The following TUSC3 variants were observed in gnomAD, a reference collection of about 807,000 sequenced individuals.
TUSC3 encodes the protein tumor suppressor candidate 3.
TUSC3 carries 45 observed loss-of-function variants against 44.8 expected under a neutral mutation model. The observed-to-expected ratio is 1.00, with a 90% confidence interval of 0.79 to 1.29. The LOEUF (loss-of-function observed/expected upper bound fraction) is 1.29, where lower values mean the gene tolerates loss of function less well. TUSC3 is among the 50% of genes most tolerant of loss of function. The probability of loss-of-function intolerance (pLI) is 0.00; values close to 1 mark genes in which losing one functional copy is unlikely to be tolerated. For synonymous variants in TUSC3, 212 were observed against 152.9 expected (o/e 1.39, Z -2.85); for missense variants, 519 against 437.9 (o/e 1.19, Z -1.65).
chr8:15,495,023 C>T (rs1800861697), intron 2 of TUSC3, among the ~76,000 whole-genome samples: 1 of 152,226 alleles, frequency 6.6e-6, no homozygotes, highest in Non-Finnish European at 1.5e-5. Flanking sequence ...GCTGTTTCTG[C>T]ATGAGTTTGC....
intron 1 of TUSC3, among the ~76,000 whole-genome samples, chr8:15,563,166 C>T (rs1465198962): frequency 6.6e-6 from 1 of 152,110 alleles, no homozygotes; most frequent in Non-Finnish European, 1.5e-5. Flanking sequence ...TAATATAAGA[C>T]ATTTACCAAT....
the TUSC3 span, among the ~76,000 whole-genome samples, chr8:15,818,059 G>C: frequency 6.6e-6 from 1 of 152,140 alleles, no homozygotes; most frequent in East Asian, 1.9e-4. Context: ...TAAAATTTCA[G>C]GTTTAAATTC....
At chr8:15,441,397 ACT>A (rs900124331) in intron 1 of TUSC3, among the ~76,000 whole-genome samples, 17 of 151,870 alleles carry the variant, frequency 1.1e-4, no homozygotes, top group African/African-American at 4.1e-4. Context: ...AGACAGCGAG[ACT>A]CTCTCAAAAA....
intron 2 of TUSC3, among the ~76,000 whole-genome samples, chr8:15,527,718 C>T (rs976422146): frequency 2.0e-5 from 3 of 152,152 alleles, no homozygotes; most frequent in African/African-American, 7.2e-5. Flanking sequence ...AGCTCGAATA[C>T]TTCTGAAGCT....
chr8:15,775,353 G>T, the TUSC3 span, among the ~76,000 whole-genome samples: 2 of 152,034 alleles, frequency 1.3e-5, no homozygotes, highest in South Asian at 2.1e-4. Context: ...TATTTTAGGG[G>T]TGATGAAAAT....
intron 1 of TUSC3, among the ~76,000 whole-genome samples, chr8:15,600,201 GT>G (rs1450245323): frequency 6.6e-6 from 1 of 151,724 alleles, no homozygotes; most frequent in Non-Finnish European, 1.5e-5. Flanking sequence ...TTCCAAATAT[GT>G]TTTCTATTAG....
chr8:15,436,630 A>T (rs1183823282), intron 1 of TUSC3, among the ~76,000 whole-genome samples: 2 of 152,204 alleles, frequency 1.3e-5, no homozygotes, highest in Non-Finnish European at 2.9e-5. Flanking sequence ...TTGTGATTGC[A>T]TTACTTATTG....
intron 10 of TUSC3, among the ~76,000 whole-genome samples, chr8:15,762,910 A>T (rs529860562): frequency 7.4e-6 from 1 of 134,410 alleles, no homozygotes; most frequent in African/African-American, 2.9e-5. Context: ...GACATTCTTC[A>T]TGGAGATGGT....
intron 2 of TUSC3, among the ~76,000 whole-genome samples, chr8:15,638,393 G>A (rs1420620127): frequency 2.0e-5 from 3 of 151,404 alleles, no homozygotes; most frequent in Non-Finnish European, 4.4e-5. Context: ...TTCTTTGTTG[G>A]TTATCATTAT....
intron 2 of TUSC3, among the ~76,000 whole-genome samples, chr8:15,635,737 A>C (rs1434856605): frequency 6.6e-6 from 1 of 152,126 alleles, no homozygotes; most frequent in Admixed American, 6.5e-5. Context: ...TGCAAGGTAA[A>C]CAGGCCAATG....
At chr8:15,715,415 C>A (rs1172652458) in intron 6 of TUSC3, among the ~76,000 whole-genome samples, 2 of 152,026 alleles carry the variant, frequency 1.3e-5, no homozygotes, top group African/African-American at 4.8e-5. Context: ...GATCTGTCAA[C>A]CTGATAACTG....
intron 2 of TUSC3, among the ~76,000 whole-genome samples, chr8:15,523,721 T>TATATATATATATATATATATATATAC (rs1554509653): frequency 7.5e-6 from 1 of 133,984 alleles, no homozygotes; most frequent in African/African-American, 2.9e-5. Flanking sequence ...TATATATATA[T>TATATATATATATATATATATATATAC]ATATAAAGTA....
chr8:15,492,719 T>C (rs1299628037), intron 2 of TUSC3, among the ~76,000 whole-genome samples: 3 of 151,974 alleles, frequency 2.0e-5, no homozygotes. Context: ...GGAGGATAGC[T>C]TGAGCCCAGG....
intron 1 of TUSC3, among the ~76,000 whole-genome samples, chr8:15,463,087 C>G (rs548240384): frequency 6.6e-6 from 1 of 151,852 alleles, no homozygotes; most frequent in African/African-American, 2.4e-5. Context: ...TCTTCTTTTG[C>G]CTCTCTGTGT....
chr8:15,499,686 T>G (rs1030727351), intron 2 of TUSC3, among the ~76,000 whole-genome samples: 1 of 152,208 alleles, frequency 6.6e-6, no homozygotes, highest in Admixed American at 6.5e-5. Flanking sequence ...TGGGTGTGTC[T>G]GTGAGGGTGT....
At position 15,512,872 on chromosome 8, in the gene TUSC3, G is replaced by GTATA. The variant is rs55768442; in HGVS notation, n.189+29400_189+29403dup. On this transcript the variant is annotated intron_variant and non_coding_transcript_variant, in intron 2 of 5. Coordinates refer to the TUSC3 transcript ENST00000503191. The stretch of plus-strand genomic sequence containing the variant: ...TGTGTGTGTGTATATATATGTGTGT[G>GTATA]TATATATATATATACACACAATTCT... Among the ~76,000 whole-genome samples, 433 of 132,284 alleles carry GTATA rather than the reference G, an allele frequency of 3.3e-3. 10 individuals carry two copies. The highest frequency in any genetic ancestry group is 9.6e-3 in the African/African-American group (321 of 33,316). 86.8% of individuals were successfully genotyped at this position (132,284 alleles called of 152,430 possible).
intron 2 of TUSC3, among the ~76,000 whole-genome samples, chr8:15,531,284 A>G (rs1801445417): frequency 6.6e-6 from 1 of 152,172 alleles, no homozygotes; most frequent in Admixed American, 6.5e-5. Flanking sequence ...ATTTAGAGAC[A>G]CAGTCTTGCT....
intron 1 of TUSC3, among the ~76,000 whole-genome samples, chr8:15,572,615 G>A (rs1054689330): frequency 1.3e-5 from 2 of 152,166 alleles, no homozygotes; most frequent in African/African-American, 4.8e-5. Flanking sequence ...TGGCCTATCT[G>A]AGCTTTCCAC....
intron 1 of TUSC3, among the ~76,000 whole-genome samples, chr8:15,541,388 C>G (rs1433950136): frequency 6.6e-6 from 1 of 152,178 alleles, no homozygotes; most frequent in Non-Finnish European, 1.5e-5. Flanking sequence ...ACTAGGGTTT[C>G]TAATTGTGGA....
Sources: allele counts gnomAD v4.1 joint callset (sites outside exome capture counted in the v4.1 genomes callset), GRCh38; gene constraint gnomAD v4.1.1; transcripts MANE v1.5; gene names NCBI Gene and HGNC (gene_info 2026-07-23, HGNC 2026-07-21).